Variants in KIT observed in about 807,000 individuals in gnomAD.
KIT encodes the protein KIT proto-oncogene, receptor tyrosine kinase, also known as mast/stem cell growth factor receptor Kit.
A neutral mutation model predicts 105.7 loss-of-function variants in KIT; 16 were observed. That is an observed-to-expected ratio of 0.15 (90% confidence interval 0.10 to 0.23). The LOEUF is 0.23. KIT is among the 10% of genes least tolerant of loss of function. The pLI is 1.00. For missense variants in KIT, 858 were observed against 1,213.8 expected (o/e 0.71, Z 4.36); for synonymous variants, 438 against 441.1 (o/e 0.99, Z 0.09).
In KIT at chr4:54,671,020, T is replaced by C. The variant is rs566427873; in HGVS notation, c.67+12939T>C. On this transcript the variant is annotated intron_variant, in intron 1 of 20. Transcript: ENST00000288135. ...TGTCGGTCTGTTTGACACGGTACCATTTAGCCACCATCAGCCCTACTGCAT... is the reference window on the plus strand; with the variant it reads ...TGTCGGTCTGTTTGACACGGTACCACTTAGCCACCATCAGCCCTACTGCAT... Among the ~76,000 whole-genome samples, 3 of 152,308 alleles carry C rather than the reference T, an allele frequency of 2.0e-5. No individual in the cohort carries two copies. The East Asian group carries it at 5.8e-4, about 29-fold the overall frequency.
At chr4:54,704,036 C>A (rs981785313) in intron 5 of KIT, 144 bp downstream of exon 5, 3 of 795,658 alleles carry the variant, frequency 3.8e-6, no homozygotes, top group Admixed American at 2.1e-5. Context: ...ATCCTTGTAG[C>A]CTCTTGCAAT....
chr4:54,711,602 T>A (rs1475688256), intron 7 of KIT, among the ~76,000 whole-genome samples: 2 of 152,208 alleles, frequency 1.3e-5, no homozygotes, highest in Non-Finnish European at 2.9e-5. Flanking sequence ...TATCTCTAGA[T>A]TAATTTCAAT....
intron 3 of KIT, 24 bp from the exon 4 acceptor site, chr4:54,699,606 G>T: frequency 6.2e-7 from 1 of 1,613,376 alleles, no homozygotes; most frequent in Non-Finnish European, 8.5e-7. Flanking sequence ...ATTATTTGAG[G>T]GGCCACATTT....
chr4:54,702,446 T>C (rs1482120554), intron 4 of KIT, among the ~76,000 whole-genome samples: 2 of 152,146 alleles, frequency 1.3e-5, no homozygotes, highest in Non-Finnish European at 2.9e-5. Context: ...CAACTTACTT[T>C]GGACTACCAG....
At chr4:54,661,389 C>A (rs1033714926) in intron 1 of KIT, among the ~76,000 whole-genome samples, 2 of 152,160 alleles carry the variant, frequency 1.3e-5, no homozygotes, top group African/African-American at 4.8e-5. Context: ...TTGTTGACAG[C>A]CCTTCGAAGT....
Position 54,729,340 on chromosome 4 carries a change from A to G in KIT, c.1996A>G (p.Thr666Ala). ...LLGACTIGGPTLVITEYCCYG... is the reference protein window; with the variant it reads ...LLGACTIGGPALVITEYCCYG... ...CTTTTCTTATGTGCTTTTAGGGCCC[A>G]CCCTGGTCATTACAGAATATTGTTG... The change falls in exon 14 of 21, where the codon ACC becomes GCC. Residue 666 changes from threonine to alanine, a missense_variant. Physicochemically the swap from Thr to Ala is moderately conservative, Grantham distance 58 (BLOSUM62 0). Coordinates refer to ENST00000288135, the MANE Select transcript of KIT (RefSeq NM_000222.3). 6.2e-7 allele frequency: 1 copy of G among 1,613,496 alleles called. No homozygotes were observed. Among genetic ancestry groups the G allele is most frequent in the Non-Finnish European group, 8.5e-7 (1 of 1,179,640 alleles).
chr4:54,692,205 G>A (rs1364359894), intron 1 of KIT, among the ~76,000 whole-genome samples: 1 of 152,226 alleles, frequency 6.6e-6, no homozygotes, highest in Non-Finnish European at 1.5e-5. Context: ...AGTCTAGACA[G>A]TCCTAACTCA....
intron 1 of KIT, among the ~76,000 whole-genome samples, chr4:54,668,971 T>A (rs1717902213): frequency 6.6e-6 from 1 of 152,214 alleles, no homozygotes; most frequent in African/African-American, 2.4e-5. Flanking sequence ...TAAGAAATGG[T>A]TGATATTGAT....
rs878853757 is a variant in KIT, at chr4:54,707,199, C to T, written c.1027C>T (p.Pro343Ser). The change falls in exon 6 of 21, where the codon CCT becomes TCT. Residue 343 changes from proline (P) to serine (S), a missense_variant. This residue lies in a region of KIT where 401 missense variants were observed against 601.0 expected (regional missense o/e 0.67). Coordinates refer to ENST00000288135, the MANE Select transcript of KIT (RefSeq NM_000222.3). ...LIVEYEAFPK[P>S]EHQQWIYMNR... ...TGTTGAATATGAAGCATTCCCCAAA[C>T]CTGAACACCAGCAGTGGATCTATAT... 1.2e-6 allele frequency: 2 copies of T among 1,608,416 alleles called. No individual in the cohort carries two copies. The highest frequency in any genetic ancestry group is 1.7e-6 in the Non-Finnish European group (2 of 1,174,840).
At chr4:54,702,355 CATA>C (rs1287537559) in intron 4 of KIT, among the ~76,000 whole-genome samples, 1 of 151,894 alleles carries the variant, frequency 6.6e-6, no homozygotes, top group African/African-American at 2.4e-5. Context: ...ATGTAATTAA[CATA>C]AAAATTACTA....
intron 1 of KIT, among the ~76,000 whole-genome samples, chr4:54,681,870 ACT>A (rs1406654367): frequency 3.3e-5 from 5 of 151,638 alleles, no homozygotes; most frequent in Admixed American, 1.3e-4. Flanking sequence ...CGAAAACCTG[ACT>A]CTACTAAAAA....
intron 2 of KIT, among the ~76,000 whole-genome samples, chr4:54,696,107 G>C (rs1720046654): frequency 1.3e-5 from 2 of 151,964 alleles, no homozygotes; most frequent in Non-Finnish European, 2.9e-5. Flanking sequence ...AATGCCTTGA[G>C]ATACTAGATA....
At chr4:54,698,976 G>A (rs1159266220) in intron 3 of KIT, among the ~76,000 whole-genome samples, 1 of 152,194 alleles carries the variant, frequency 6.6e-6, no homozygotes, top group Admixed American at 6.5e-5. Flanking sequence ...CTGATCAATT[G>A]CAATGCATCC....
At chr4:54,658,183 G>A in intron 1 of KIT, 102 bp downstream of exon 1, 1 of 1,150,060 alleles carries the variant, frequency 8.7e-7, no homozygotes, top group Non-Finnish European at 1.3e-6. Context: ...AGGACTGCGG[G>A]CCCTCAGTGC....
chr4:54,712,499 C>G (rs1038862262), intron 7 of KIT, among the ~76,000 whole-genome samples: 2 of 152,110 alleles, frequency 1.3e-5, no homozygotes, highest in Admixed American at 6.5e-5. Flanking sequence ...TTAAATGTGT[C>G]TCTTTTCTTC....
At position 54,695,797 on chromosome 4, in the gene KIT, T is replaced by C. The variant is rs374213377; in HGVS notation, c.337+16T>C. 1 of 1,614,070 alleles carries C rather than the reference T, an allele frequency of 6.2e-7. No individual in the cohort carries two copies. The highest frequency in any genetic ancestry group is 1.3e-5 in the African/African-American group (1 of 74,944). ...TTTGTTAGAGGTAAATGCTTGGCTTTCTGCAGTGCTGTGCTTTCAAGAATT... is the reference window on the plus strand; with the variant it reads ...TTTGTTAGAGGTAAATGCTTGGCTTCCTGCAGTGCTGTGCTTTCAAGAATT... On this transcript the variant is annotated intron_variant, in intron 2 of 20. Coordinates refer to ENST00000288135, the MANE Select transcript of KIT (RefSeq NM_000222.3).
At position 54,698,369 on chromosome 4, in the gene KIT, A is replaced by C. The variant is rs747868494; in HGVS notation, c.423A>C (p.Pro141=). The C allele has an allele frequency of 6.2e-7, 1 of 1,614,216 alleles. No homozygotes were observed. Among genetic ancestry groups the C allele is most frequent in the Admixed American group, 1.7e-5 (1 of 60,032 alleles). ...TGGTCCGCTGTCCTCTCACAGACCCAGAAGTGACCAATTATTCCCTCAAGG... is the reference window on the plus strand; with the variant it reads ...TGGTCCGCTGTCCTCTCACAGACCCCGAAGTGACCAATTATTCCCTCAAGG... ...DTLVRCPLTD[P]EVTNYSLKGC... Residue 141 remains proline (P), a synonymous_variant, in exon 3 of 21, where the codon CCA becomes CCC. Coordinates refer to ENST00000288135, the MANE Select transcript of KIT (RefSeq NM_000222.3).
chr4:54,689,574 A>G (rs1160791837), intron 1 of KIT, among the ~76,000 whole-genome samples: 1 of 152,226 alleles, frequency 6.6e-6, no homozygotes, highest in Non-Finnish European at 1.5e-5. Context: ...CATGAATTAA[A>G]ACAACATTGA....
chr4:54,694,166 G>T (rs1719896927), intron 1 of KIT, among the ~76,000 whole-genome samples: 1 of 152,110 alleles, frequency 6.6e-6, no homozygotes. Context: ...AAGGTACCCT[G>T]TTTTTTAGCC....
Sources: gnomAD v4.1 joint callset for allele counts (sites outside exome capture counted in the v4.1 genomes callset) on GRCh38, gnomAD v4.1.1 for gene constraint, gnomAD v4.1.1 regional missense constraint, MANE v1.5 for transcripts, NCBI Gene and HGNC (gene_info 2026-07-23, HGNC 2026-07-21) for gene names.